Variants in SLC2A5 observed in about 807,000 individuals in gnomAD.
The protein encoded by SLC2A5 is solute carrier family 2, facilitated glucose transporter member 5.
In SLC2A5, 56 loss-of-function variants were observed where a neutral mutation model predicts 50.3. The ratio of observed to expected loss-of-function variants is 1.11; its 90% CI spans 0.90 to 1.39. The LOEUF (loss-of-function observed/expected upper bound fraction) is 1.39, where lower values mean the gene tolerates loss of function less well. Among genes scored for constraint, SLC2A5 ranks in the 40% most tolerant of loss-of-function variants. SLC2A5 has a pLI of 0.00. For missense variants in SLC2A5, 566 were observed against 650.1 expected (o/e 0.87, Z 1.41); for synonymous variants, 269 against 281.9 (o/e 0.95, Z 0.46).
At chr1:9,075,386 A>G (rs1290526403) in intron 2 of SLC2A5, among the ~76,000 whole-genome samples, 1 of 152,146 alleles carries the variant, frequency 6.6e-6, no homozygotes, top group African/African-American at 2.4e-5. Flanking sequence ...TAAAATCTCC[A>G]GCAAGCCTGT....
upstream of SLC2A5, among the ~76,000 whole-genome samples, chr1:9,090,679 C>A (rs558549988): frequency 4.6e-5 from 7 of 152,172 alleles, no homozygotes; most frequent in East Asian, 1.2e-3. Context: ...CCTCTACATA[C>A]CTCCTCTCAA....
Position 9,036,971 on chromosome 1 carries a change from T to C in SLC2A5, c.*615A>G, listed in dbSNP as rs573109870. On this transcript the variant is annotated 3_prime_UTR_variant, in exon 12 of 12. Coordinates refer to ENST00000377424, the MANE Select transcript of SLC2A5 (RefSeq NM_003039.3). ...TTGAAAAGTGATCAGGTTCATTTTA[T>C]TGACTACACAGAAGCAATTCCATTT... The C allele has an allele frequency of 1.3e-5, 2 of 152,502 alleles. No homozygotes were observed. The highest frequency in any genetic ancestry group is 2.9e-5 in the Non-Finnish European group (2 of 68,316). 9.4% of individuals were successfully genotyped at this position (152,502 alleles called of 1,614,324 possible).
intron 9 of SLC2A5, 151 bp from the exon 10 acceptor site, chr1:9,038,657 G>A (rs1480966479): frequency 1.0e-5 from 13 of 1,257,340 alleles, no homozygotes; most frequent in Non-Finnish European, 1.4e-5. Context: ...TCAGCTGAAC[G>A]TGGGCTATGA....
chr1:9,061,965 G>C (rs181832922), intron 1 of SLC2A5, among the ~76,000 whole-genome samples: 66 of 152,346 alleles, frequency 4.3e-4, no homozygotes, highest in African/African-American at 1.4e-3. Flanking sequence ...TCTGAGCATA[G>C]AGCATTCAAT....
At chr1:9,038,643 G>A (rs1641205624) in intron 9 of SLC2A5, 137 bp from the exon 10 acceptor site, 1 of 1,234,162 alleles carries the variant, frequency 8.1e-7, no homozygotes, top group East Asian at 2.5e-5. Flanking sequence ...GAGCCACTGG[G>A]AAATCAGCTG....
At chr1:9,092,449 A>G (rs1223668961), upstream of SLC2A5, among the ~76,000 whole-genome samples, 1 of 152,188 alleles carries the variant, frequency 6.6e-6, no homozygotes, top group Non-Finnish European at 1.5e-5. Context: ...ATAAAGGAAG[A>G]GTTAAAAGCC....
intron 3 of SLC2A5, among the ~76,000 whole-genome samples, chr1:9,053,058 A>T (rs1381843987): frequency 9.0e-6 from 1 of 111,254 alleles, no homozygotes; most frequent in Non-Finnish European, 1.7e-5. Flanking sequence ...TTAATATATA[A>T]TATATATTAT....
rs555268724 is a variant in SLC2A5 at position 9,046,376 on chromosome 1, C to A, written c.418+1234G>T. ...GTTTTCTAAAATCACCACTGTACAG[C>A]CTGGCAGCCTAGGCTTGGAAGCAAC... On this transcript the variant is annotated intron_variant, in intron 4 of 11. Transcript: ENST00000377424. Among the ~76,000 whole-genome samples the A allele has an allele frequency of 2.0e-5, 3 of 152,276 alleles. No homozygotes were observed. In the East Asian group the frequency reaches 5.8e-4, roughly 29 times the overall value.
intron 4 of SLC2A5, among the ~76,000 whole-genome samples, chr1:9,042,493 CTG>C (rs764990889): frequency 2.7e-4 from 40 of 147,370 alleles, no homozygotes; most frequent in Non-Finnish European, 4.2e-4. Context: ...TGTATGGCCT[CTG>C]TGTGTGTGTG....
intron 3 of SLC2A5, among the ~76,000 whole-genome samples, chr1:9,050,916 T>C (rs1641556657): frequency 6.6e-6 from 1 of 152,134 alleles, no homozygotes; most frequent in African/African-American, 2.4e-5. Flanking sequence ...ACAGAGACGA[T>C]TCCAACACAG....
At chr1:9,081,166 G>A (rs962398393) in intron 2 of SLC2A5, among the ~76,000 whole-genome samples, 1 of 151,412 alleles carries the variant, frequency 6.6e-6, no homozygotes, top group African/African-American at 2.4e-5. Context: ...AGGCTGAGGT[G>A]GGAGGATCAC....
chr1:9,069,493 A>G lies in SLC2A5; in HGVS notation c.33+11T>C. The stretch of plus-strand genomic sequence containing the variant: ...CTGCTCTTGGCCCCTTTCCCTGAGC[A>G]ACACACTCACCCCTTCCTTCATGCT... On this transcript the variant is annotated intron_variant, in intron 1 of 11. Coordinates refer to ENST00000377424, the MANE Select transcript of SLC2A5 (RefSeq NM_003039.3). 3 of 1,613,894 alleles carry G rather than the reference A, an allele frequency of 1.9e-6. No individual in the cohort carries two copies. The highest frequency in any genetic ancestry group is 2.5e-6 in the Non-Finnish European group (3 of 1,179,948).
intron 2 of SLC2A5, among the ~76,000 whole-genome samples, chr1:9,076,472 T>C (rs574083286): frequency 7.2e-5 from 11 of 152,286 alleles, no homozygotes; most frequent in African/African-American, 2.6e-4. Flanking sequence ...CCCTGTTATT[T>C]TGATGTGCCA....
In SLC2A5 at chr1:9,040,270, G is replaced by A. The variant is rs1044617667; in HGVS notation, c.572-81C>T. ...CCTCTGCAGAGCCGGCCCCAGCCCC[G>A]TCATCCTGAGTGGGGTGCAGGCTCC... On this transcript the variant is annotated intron_variant, in intron 5 of 11. Transcript: ENST00000377424. The surrounding 1 kb of genome is among the most constrained non-coding windows in gnomAD (Gnocchi z 4.3). The A allele has an allele frequency of 2.0e-6, 3 of 1,476,650 alleles. No individual in the cohort carries two copies. The highest frequency in any genetic ancestry group is 2.7e-6 in the Non-Finnish European group (3 of 1,109,702). 91.5% of individuals were successfully genotyped at this position (1,476,650 alleles called of 1,614,324 possible).
At chr1:9,076,851 G>T (rs781779546) in intron 2 of SLC2A5, among the ~76,000 whole-genome samples, 4 of 151,550 alleles carry the variant, frequency 2.6e-5, no homozygotes. Flanking sequence ...ATGCAGTGGC[G>T]TGATCTCGGC....
At chr1:9,047,556 G>T in intron 4 of SLC2A5, 54 bp downstream of exon 4, 5 of 1,590,888 alleles carry the variant, frequency 3.1e-6, no homozygotes, top group Non-Finnish European at 4.3e-6. Flanking sequence ...GGAACCTGTT[G>T]TCCTCCTCCT....
chr1:9,042,446 C>T (rs1641327529), intron 4 of SLC2A5, among the ~76,000 whole-genome samples: 1 of 148,444 alleles, frequency 6.7e-6, no homozygotes, highest in South Asian at 2.1e-4. Flanking sequence ...ATATATATGG[C>T]CTGTGTGTAT....
Position 9,037,993 on chromosome 1 carries a change from G to C in SLC2A5, c.1206C>G (p.Ile402Met). 6.2e-7 allele frequency: 1 copy of C among 1,613,948 alleles called. No homozygotes were observed. The highest frequency in any genetic ancestry group is 1.7e-5 in the Admixed American group (1 of 60,022). ...SPIPALLITE[I>M]FLQSSRPSAF... ...CAGATGGCCGAGAGGACTGCAGGAA[G>C]ATCTCAGTGATGAGCAGCGCGGGTA... Residue 402 changes from isoleucine (I) to methionine (M), a missense_variant, in exon 11 of 12, where the codon ATC becomes ATG. Ile to Met is a conservative substitution (Grantham distance 10). Transcript: ENST00000377424.
At chr1:9,088,891 T>A (rs1642433446), upstream of SLC2A5, among the ~76,000 whole-genome samples, 1 of 152,238 alleles carries the variant, frequency 6.6e-6, no homozygotes, top group South Asian at 2.1e-4. Flanking sequence ...CTTGCGCTCA[T>A]GTCTTTTTCT....
Sources: gnomAD v4.1 joint callset for allele counts (sites outside exome capture counted in the v4.1 genomes callset) on GRCh38, gnomAD v4.1.1 for gene constraint, Gnocchi (gnomAD v3.1) non-coding constraint, MANE v1.5 for transcripts, NCBI Gene and HGNC (gene_info 2026-07-23, HGNC 2026-07-21) for gene names.